MYO1B: variants seen among roughly 807,000 people sequenced by gnomAD.
MYO1B encodes unconventional myosin-Ib.
In MYO1B, 72 loss-of-function variants were observed where a neutral mutation model predicts 159.7. That is an observed-to-expected ratio of 0.45 (90% confidence interval 0.37 to 0.55). MYO1B has a LOEUF of 0.55. MYO1B is among the 20% of genes least tolerant of loss of function. MYO1B has a pLI of 0.00. For synonymous variants in MYO1B, 468 were observed against 473.8 expected, an observed-to-expected ratio of 0.99 and a Z score of 0.16; for missense variants, 1,062 against 1,364.8, an observed-to-expected ratio of 0.78 and a Z score of 3.50.
chr2:191,267,145 G>T (rs1439924250), intron 1 of MYO1B, among the ~76,000 whole-genome samples: 1 of 152,136 alleles, frequency 6.6e-6, no homozygotes, highest in Non-Finnish European at 1.5e-5. Context: ...TAACCAGAAT[G>T]TTGAATTAAT....
chr2:191,284,575 C>T (rs548072568), intron 2 of MYO1B, among the ~76,000 whole-genome samples: 1 of 152,164 alleles, frequency 6.6e-6, no homozygotes, highest in African/African-American at 2.4e-5. Context: ...GGTAGGTGCC[C>T]CGACTGTCTG....
chr2:191,297,873 G>A (rs765637313), intron 3 of MYO1B, among the ~76,000 whole-genome samples: 1 of 152,144 alleles, frequency 6.6e-6, no homozygotes, highest in Non-Finnish European at 1.5e-5. Flanking sequence ...AGTGGGTCAG[G>A]GATGCTGCTA....
intron 2 of MYO1B, among the ~76,000 whole-genome samples, chr2:191,291,133 A>T (rs1342482183): frequency 6.6e-6 from 1 of 152,116 alleles, no homozygotes; most frequent in Admixed American, 6.6e-5. Context: ...TATTTTGACT[A>T]CTCAAAGGCT....
chr2:191,277,791 G>T (rs1687837614), intron 2 of MYO1B, among the ~76,000 whole-genome samples: 1 of 152,182 alleles, frequency 6.6e-6, no homozygotes, highest in Non-Finnish European at 1.5e-5. Context: ...GAAGGAAACA[G>T]AATGTTTTGG....
intron 1 of MYO1B, among the ~76,000 whole-genome samples, chr2:191,275,901 G>T (rs1215952461): frequency 6.6e-6 from 1 of 152,192 alleles, no homozygotes; most frequent in Non-Finnish European, 1.5e-5. Flanking sequence ...TCAGAAATTT[G>T]AAAGATTTTT....
In MYO1B at chr2:191,330,111, T is replaced by C. The variant is rs1271925375; in HGVS notation, c.346+82T>C. 3.3e-6 allele frequency: 4 copies of C among 1,194,888 alleles called. No individual in the cohort carries two copies. In the African/African-American group the frequency reaches 6.1e-5, roughly 18 times the overall value. 74.0% of individuals were successfully genotyped at this position (1,194,888 alleles called of 1,614,324 possible). A position where few individuals can be genotyped will look rare whatever the true frequency, so the allele number is the denominator to read the frequency against. On this transcript the variant is annotated intron_variant, in intron 4 of 30. Transcript: ENST00000392318. ...GCAAAGAGGACCAGTAGGGCCTCCT[T>C]AGCAAGATCTGTCGCAGGGCCACTG...
intron 16 of MYO1B, 62 bp from the exon 17 acceptor site, chr2:191,387,162 A>G: frequency 6.7e-7 from 1 of 1,488,316 alleles, no homozygotes; most frequent in Non-Finnish European, 9.2e-7. Context: ...AGTATTTTTA[A>G]TAGTTGTTTG....
intron 5 of MYO1B, among the ~76,000 whole-genome samples, chr2:191,345,695 T>C (rs1692524177): frequency 6.6e-6 from 1 of 152,234 alleles, no homozygotes. Flanking sequence ...CTATTGGAAA[T>C]GACTGTTGTT....
At chr2:191,281,486 G>C (rs1415731499) in intron 2 of MYO1B, among the ~76,000 whole-genome samples, 3 of 152,230 alleles carry the variant, frequency 2.0e-5, no homozygotes, top group East Asian at 1.9e-4. Flanking sequence ...GGGAAATGCT[G>C]GTCGTGACGT....
At position 191,387,445 on chromosome 2, in the gene MYO1B, T is replaced by C. The variant is rs1413874599; in HGVS notation, c.1776T>C (p.Tyr592=). The change falls in exon 17 of 31, where the codon TAT becomes TAC. Residue 592 remains tyrosine, a synonymous_variant. Coordinates refer to ENST00000392318, the MANE Select transcript of MYO1B (RefSeq NM_001130158.3). ...ACCTACAGACCAAGAACCCAAACTA[T>C]ATTAGGTATTTTTGGCACATGAAAC... ...MKNLQTKNPN[Y]IRCIKPNDKK... 1.2e-6 allele frequency: 2 copies of C among 1,613,848 alleles called. No homozygotes were observed. Among genetic ancestry groups the C allele is most frequent in the Non-Finnish European group, 1.7e-6 (2 of 1,179,768 alleles).
At chr2:191,370,153 A>G (rs1449504426) in intron 12 of MYO1B, 74 bp from the exon 13 acceptor site, 17 of 920,578 alleles carry the variant, frequency 1.8e-5, no homozygotes, top group Non-Finnish European at 2.7e-5. Flanking sequence ...TGTAATATAT[A>G]TCTATGTTCC....
At chr2:191,363,700 AT>A (rs1403993458) in intron 9 of MYO1B, 27 bp from the exon 10 acceptor site, 10 of 1,569,956 alleles carry the variant, frequency 6.4e-6, no homozygotes, top group Non-Finnish European at 8.6e-6. Context: ...TAAGAAAAAA[AT>A]AGTTGCTTTT....
intron 24 of MYO1B, among the ~76,000 whole-genome samples, chr2:191,404,211 T>C (rs1696773429): frequency 6.6e-6 from 1 of 152,194 alleles, no homozygotes; most frequent in African/African-American, 2.4e-5. Context: ...CAAAGTGCAG[T>C]GGGCCTTTTT....
intron 2 of MYO1B, among the ~76,000 whole-genome samples, chr2:191,288,027 A>G (rs191483824): frequency 3.1e-4 from 47 of 152,174 alleles, no homozygotes; most frequent in South Asian, 1.5e-3. Flanking sequence ...GTATTCTAGC[A>G]TGTGTCAGAA....
intron 3 of MYO1B, among the ~76,000 whole-genome samples, chr2:191,317,315 C>T (rs991324807): frequency 4.6e-5 from 7 of 152,044 alleles, no homozygotes; most frequent in Admixed American, 1.3e-4. Context: ...TTTTTGGAGA[C>T]GAAAGGGCAT....
chr2:191,288,401 G>A (rs182305266), intron 2 of MYO1B, among the ~76,000 whole-genome samples: 2 of 152,100 alleles, frequency 1.3e-5, no homozygotes, highest in African/African-American at 2.4e-5. Flanking sequence ...GAGCTTTCTC[G>A]GACCTCTGCA....
intron 7 of MYO1B, 101 bp downstream of exon 7, chr2:191,350,326 A>G: frequency 1.7e-5 from 13 of 773,204 alleles, no homozygotes; most frequent in Non-Finnish European, 2.7e-5. Context: ...GCATAAGAAT[A>G]TGTTTCCTTG....
chr2:191,408,415 A>G (rs1002159064), intron 25 of MYO1B, among the ~76,000 whole-genome samples: 1 of 152,204 alleles, frequency 6.6e-6, no homozygotes, highest in Non-Finnish European at 1.5e-5. Flanking sequence ...TATATTATTA[A>G]TACAGTGTTT....
chr2:191,365,146 C>T (rs546678522), intron 11 of MYO1B, among the ~76,000 whole-genome samples: 25 of 152,240 alleles, frequency 1.6e-4, no homozygotes, highest in Non-Finnish European at 3.1e-4. Context: ...CAGGCAGCTT[C>T]TGCAGCCCCT....
Sources: gnomAD v4.1 joint callset for allele counts (sites outside exome capture counted in the v4.1 genomes callset) on GRCh38, gnomAD v4.1.1 for gene constraint, MANE v1.5 for transcripts, NCBI Gene and HGNC (gene_info 2026-07-23, HGNC 2026-07-21) for gene names.